APOBEC3C: variants seen among roughly 807,000 people sequenced by gnomAD.
APOBEC3C encodes apolipoprotein B mRNA editing enzyme catalytic subunit 3C.
APOBEC3C carries 14 observed loss-of-function variants against 20.6 expected under a neutral mutation model. The ratio of observed to expected loss-of-function variants is 0.68; its 90% CI spans 0.45 to 1.06. APOBEC3C has a LOEUF of 1.06. APOBEC3C is among the 50% of genes least tolerant of loss of function. APOBEC3C has a pLI of 0.00. For missense variants in APOBEC3C, 244 were observed against 241.9 expected (o/e 1.01, Z -0.06); for synonymous variants, 98 against 88.8 (o/e 1.10, Z -0.58).
rs1452802870 is a variant in APOBEC3C, at chr22:39,018,041, T to C, written c.450T>C (p.Tyr150=). 1 of 1,613,836 alleles carries C rather than the reference T, an allele frequency of 6.2e-7. No homozygotes were observed. Among genetic ancestry groups the C allele is most frequent in the Admixed American group, 1.7e-5 (1 of 60,006 alleles). ...GGGTCGCTGTGGAGATCATGGACTA[T>C]GAAGGTGAGACGTGGGGGGCTGAGG... ...QEGVAVEIMD[Y]EDFKYCWENF... The change falls in exon 3 of 4, where the codon TAT becomes TAC. Residue 150 remains tyrosine, a synonymous_variant. Transcript: ENST00000361441.
intron 2 of APOBEC3C, 85 bp downstream of exon 2, chr22:39,015,836 C>T (rs571421933): frequency 6.1e-5 from 82 of 1,335,848 alleles, no homozygotes; most frequent in African/African-American, 1.0e-4. Flanking sequence ...ATGTGCCCGG[C>T]GTGGGCTCTC....
chr22:39,014,529 C>T (rs2146309878), intron 1 of APOBEC3C, 150 bp downstream of exon 1: 2 of 965,608 alleles, frequency 2.1e-6, no homozygotes, highest in South Asian at 3.0e-5. Context: ...CCCAGCCAAG[C>T]TCCTTGCCCT....
At chr22:39,016,403 G>C (rs1321490703) in intron 2 of APOBEC3C, among the ~76,000 whole-genome samples, 1 of 127,274 alleles carries the variant, frequency 7.9e-6, no homozygotes, top group Non-Finnish European at 1.6e-5. Flanking sequence ...TTTTTTAGTA[G>C]AGACGGGGTT....
chr22:39,017,684 C>T (rs1160829231), intron 2 of APOBEC3C, 82 bp from the exon 3 acceptor site: 7 of 1,522,112 alleles, frequency 4.6e-6, no homozygotes, highest in Non-Finnish European at 6.2e-6. Context: ...TCCAGGCCCG[C>T]CCTCTGCTCC....
intron 1 of APOBEC3C, among the ~76,000 whole-genome samples, chr22:39,014,853 T>C (rs906675747): frequency 6.6e-6 from 1 of 152,038 alleles, no homozygotes; most frequent in African/African-American, 2.4e-5. Context: ...TACCAGAAAA[T>C]AAGTCACTTC....
chr22:39,015,320 A>G (rs1425828575), intron 1 of APOBEC3C, among the ~76,000 whole-genome samples: 4 of 151,808 alleles, frequency 2.6e-5, no homozygotes, highest in Non-Finnish European at 5.9e-5. Context: ...AAGTAGCAGA[A>G]AAACTGGGAG....
intron 1 of APOBEC3C, 137 bp downstream of exon 1, chr22:39,014,516 A>G: frequency 3.5e-6 from 3 of 849,516 alleles, no homozygotes; most frequent in Non-Finnish European, 4.9e-6. Context: ...CGCTGCCCCC[A>G]CTCCCAGCCA....
intron 2 of APOBEC3C, among the ~76,000 whole-genome samples, chr22:39,016,190 A>ATTTATTTATTTATTTATTTAT (rs145889122): frequency 0.12 from 16,646 of 141,420 alleles, 1,496 homozygotes; most frequent in Admixed American, 0.14. Flanking sequence ...TCCTCCCCAC[A>ATTTATTTATTTATTTATTTAT]TTATTTATTT....
intron 2 of APOBEC3C, among the ~76,000 whole-genome samples, chr22:39,017,562 C>A (rs1197104082): frequency 6.6e-6 from 1 of 152,104 alleles, no homozygotes; most frequent in African/African-American, 2.4e-5. Flanking sequence ...ATTCCTTGAG[C>A]CTGGGAGGTC....
At chr22:39,015,874 A>C in intron 2 of APOBEC3C, 123 bp downstream of exon 2, 1 of 544,602 alleles carries the variant, frequency 1.8e-6, no homozygotes, top group Non-Finnish European at 2.8e-6. Context: ...CCACATTTCT[A>C]TTTTTTTTTT....
At chr22:39,014,605 G>A (rs1375797242) in intron 1 of APOBEC3C, among the ~76,000 whole-genome samples, 5 of 151,852 alleles carry the variant, frequency 3.3e-5, no homozygotes, top group Non-Finnish European at 5.9e-5. Flanking sequence ...AGCCCAGTCC[G>A]CCTGCTGAGA....
chr22:39,018,464 C>A lies in APOBEC3C; in HGVS notation c.*77C>A. On this transcript the variant is annotated 3_prime_UTR_variant, in exon 4 of 4. Coordinates refer to ENST00000361441, the MANE Select transcript of APOBEC3C (RefSeq NM_014508.3). ...GCACGGGCCTCCCCTCCACCCTGGA[C>A]CCGCTCTGTTTCTGCCTGGTCATCC... The A allele has an allele frequency of 2.6e-6, 4 of 1,525,736 alleles. No individual in the cohort carries two copies. Among genetic ancestry groups the A allele is most frequent in the South Asian group, 1.2e-5 (1 of 83,564 alleles). The allele number at this position is 1,525,736 out of a possible 1,614,324, so 94.5% of individuals were successfully genotyped here. A position where few individuals can be genotyped will look rare whatever the true frequency, so the allele number is the denominator to read the frequency against.
At chr22:39,017,691 C>G in intron 2 of APOBEC3C, 75 bp from the exon 3 acceptor site, 1 of 1,545,984 alleles carries the variant, frequency 6.5e-7, no homozygotes. Flanking sequence ...CCGCCCTCTG[C>G]TCCCATCGCC....
rs1016255346 is a variant in APOBEC3C at position 39,018,520 on chromosome 22, C to T, written c.*133C>T. On this transcript the variant is annotated 3_prime_UTR_variant, in exon 4 of 4. Coordinates refer to ENST00000361441, the MANE Select transcript of APOBEC3C (RefSeq NM_014508.3). ...CCCTCCTGGCCTCAGGGCCATTCCA[C>T]AGTGCTCCCCTGCCTCACCGCTTCC... 47 of 1,049,744 alleles carry T rather than the reference C, an allele frequency of 4.5e-5. No individual in the cohort carries two copies. The highest frequency in any genetic ancestry group is 6.1e-5 in the Non-Finnish European group (44 of 719,942). 65.0% of individuals were successfully genotyped at this position (1,049,744 alleles called of 1,614,324 possible). A position where few individuals can be genotyped will look rare whatever the true frequency, so the allele number is the denominator to read the frequency against.
intron 1 of APOBEC3C, 42 bp from the exon 2 acceptor site, chr22:39,015,553 T>G: frequency 6.2e-7 from 1 of 1,601,530 alleles, no homozygotes; most frequent in Non-Finnish European, 8.5e-7. Flanking sequence ...AGGACTCCGG[T>G]GCGGGGGTCT....
At chr22:39,014,625 G>A (rs1301956022) in intron 1 of APOBEC3C, among the ~76,000 whole-genome samples, 2 of 152,076 alleles carry the variant, frequency 1.3e-5, no homozygotes, top group Admixed American at 6.6e-5. Context: ...ACTCTCCCCC[G>A]AAAATCATGC....
At position 39,015,793 on chromosome 22, in the gene APOBEC3C, C is replaced by A. The variant is rs748119044; in HGVS notation, c.174+42C>A. On this transcript the variant is annotated intron_variant, in intron 2 of 3. Transcript: ENST00000361441. ...AGTTACACCCTAAATAGGAGCTAAG[C>A]AGCTGGGAATGCAGAAAACGCAACA... 6 of 1,583,852 alleles carry A rather than the reference C, an allele frequency of 3.8e-6. No homozygotes were observed. In the Admixed American group the frequency reaches 1.1e-4, roughly 28 times the overall value.
chr22:39,018,163 C>T (rs766043663), intron 3 of APOBEC3C, 106 bp from the exon 4 acceptor site: 193 of 1,567,380 alleles, frequency 1.2e-4, no homozygotes, highest in Non-Finnish European at 1.5e-4. Context: ...ACCGGGCCAG[C>T]GCCCACTGCA....
At chr22:39,014,767 G>A (rs1161142048) in intron 1 of APOBEC3C, among the ~76,000 whole-genome samples, 7 of 152,126 alleles carry the variant, frequency 4.6e-5, no homozygotes, top group Non-Finnish European at 1.0e-4. Context: ...TCAGCGCTTT[G>A]GTGCAATTTC....
Sources: allele counts gnomAD v4.1 joint callset (sites outside exome capture counted in the v4.1 genomes callset), GRCh38; gene constraint gnomAD v4.1.1; transcripts MANE v1.5; gene names NCBI Gene and HGNC (gene_info 2026-07-23, HGNC 2026-07-21).